Variants in CDH13 observed in about 807,000 individuals in gnomAD.
The protein encoded by CDH13 is cadherin-13.
Under a neutral mutation model 63.8 loss-of-function variants are expected in CDH13, and 24 were observed. The observed-to-expected ratio is 0.38, with a 90% CI of 0.27 to 0.53. The LOEUF (loss-of-function observed/expected upper bound fraction) is 0.53, where lower values mean the gene tolerates loss of function less well. Ranked by LOEUF, CDH13 falls within the 20% of genes least tolerant of loss-of-function variation. The probability of loss-of-function intolerance (pLI) is 0.85; values close to 1 mark genes in which losing one functional copy is unlikely to be tolerated. For synonymous variants in CDH13, 503 were observed against 355.3 expected (o/e 1.42, Z -4.67); for missense variants, 1,049 against 903.1 (o/e 1.16, Z -2.07).
intron 1 of CDH13, chr16:82,727,830 A>T (rs2033184517): frequency 6.6e-6 from 1 of 152,214 alleles, no homozygotes; most frequent in Non-Finnish European, 1.5e-5. Context: ...AATGGTGAGC[A>T]GACCCACTCC....
chr16:83,748,378 G>A lies in CDH13; in HGVS notation c.1681+128G>A, dbSNP rs766527464. On this transcript the variant is annotated intron_variant, in intron 11 of 13. Transcript: ENST00000567109. The stretch of plus-strand genomic sequence containing the variant: ...AATGTAAGTGTGTGGGAACAGCAAA[G>A]TAAATGTTTAAATATACACATGTTG... 80 of 799,686 alleles carry A rather than the reference G, an allele frequency of 1.0e-4. 1 individual carries two copies. Among genetic ancestry groups the A allele is most frequent in the Non-Finnish European group, 1.5e-4 (76 of 509,610 alleles). The allele number at this position is 799,686 out of a possible 1,614,324, so 49.5% of individuals were successfully genotyped here. A position where few individuals can be genotyped will look rare whatever the true frequency, so the allele number is the denominator to read the frequency against.
intron 6 of CDH13, among the ~76,000 whole-genome samples, chr16:83,355,748 G>T (rs910417369): frequency 9.2e-5 from 14 of 152,182 alleles, no homozygotes; most frequent in Non-Finnish European, 1.9e-4. Flanking sequence ...GAGGAAGTCA[G>T]TAAATAAAGC....
chr16:83,773,974 C>T (rs8054975), intron 11 of CDH13, among the ~76,000 whole-genome samples: 11,431 of 152,144 alleles, frequency 0.075, 482 homozygotes, highest in Middle Eastern at 0.14. Context: ...AGCTGGAAGA[C>T]GAGGCCTCAG....
chr16:82,866,042 C>T (rs1290662331), intron 2 of CDH13, among the ~76,000 whole-genome samples: 1 of 152,186 alleles, frequency 6.6e-6, no homozygotes, highest in Non-Finnish European at 1.5e-5. Context: ...AGGGCAGGGG[C>T]AAAATGCCGC....
intron 8 of CDH13, among the ~76,000 whole-genome samples, chr16:83,605,306 A>G (rs1445295175): frequency 2.0e-5 from 3 of 152,188 alleles, no homozygotes; most frequent in Non-Finnish European, 4.4e-5. Flanking sequence ...GTCTTTGCCC[A>G]ATGTTTGATA....
chr16:82,838,086 A>T (rs1247198633), intron 1 of CDH13, among the ~76,000 whole-genome samples: 1 of 152,102 alleles, frequency 6.6e-6, no homozygotes, highest in African/African-American at 2.4e-5. Context: ...CCTGGCCCCA[A>T]AGCCTTACCT....
At chr16:82,818,163 G>C (rs1422275734) in intron 1 of CDH13, among the ~76,000 whole-genome samples, 2 of 150,726 alleles carry the variant, frequency 1.3e-5, no homozygotes, top group Non-Finnish European at 2.9e-5. Context: ...ATTACTCCAG[G>C]AGATTTACAT....
intron 2 of CDH13, among the ~76,000 whole-genome samples, chr16:82,922,842 G>A (rs2042197596): frequency 6.6e-6 from 1 of 152,128 alleles, no homozygotes; most frequent in African/African-American, 2.4e-5. Flanking sequence ...TTGAGCTTCT[G>A]ATTCCTTAAA....
At chr16:82,800,538 A>G (rs1167901583) in intron 1 of CDH13, among the ~76,000 whole-genome samples, 1 of 152,208 alleles carries the variant, frequency 6.6e-6, no homozygotes, top group South Asian at 2.1e-4. Flanking sequence ...CACATTTCAC[A>G]GAAGTGTCAT....
chr16:82,891,247 T>C (rs553448785), intron 2 of CDH13, among the ~76,000 whole-genome samples: 12 of 152,256 alleles, frequency 7.9e-5, no homozygotes, highest in African/African-American at 2.6e-4. Flanking sequence ...TATCTCTCCC[T>C]TGGGGACTCT....
chr16:83,188,212 C>T (rs570818412), intron 4 of CDH13, among the ~76,000 whole-genome samples: 17 of 152,124 alleles, frequency 1.1e-4, no homozygotes, highest in African/African-American at 3.6e-4. Context: ...CTCTGGCTGA[C>T]GGATGGAGAA....
intron 4 of CDH13, among the ~76,000 whole-genome samples, chr16:83,183,025 G>T (rs1354779909): frequency 6.6e-6 from 1 of 151,996 alleles, no homozygotes; most frequent in Non-Finnish European, 1.5e-5. Context: ...ACTGTGACCT[G>T]CATTGTCCAC....
intron 10 of CDH13, among the ~76,000 whole-genome samples, chr16:83,706,204 G>C (rs561634113): frequency 5.9e-5 from 9 of 152,278 alleles, no homozygotes; most frequent in Non-Finnish European, 1.3e-4. Flanking sequence ...GCCTCTCCAC[G>C]AGGCCTGGGC....
At chr16:83,515,895 A>G (rs1331957696) in intron 7 of CDH13, among the ~76,000 whole-genome samples, 1 of 152,182 alleles carries the variant, frequency 6.6e-6, no homozygotes, top group Non-Finnish European at 1.5e-5. Context: ...TTTATATAGG[A>G]ATTAAACAGA....
At chr16:82,640,922 C>T (rs972894633) in intron 1 of CDH13, among the ~76,000 whole-genome samples, 10 of 152,168 alleles carry the variant, frequency 6.6e-5, no homozygotes, top group Non-Finnish European at 1.2e-4. Flanking sequence ...GGGTTAAACA[C>T]GCTCTTGGAT....
In CDH13 at chr16:83,521,233, G is replaced by A. The variant is rs8057234; in HGVS notation, c.960+34578G>A. The stretch of plus-strand genomic sequence containing the variant: ...TCAGTAATTATTTTTCATCCTCTTA[G>A]GTTTCTTCCAGCTTTAAGGCTTTAT... On this transcript the variant is annotated intron_variant, in intron 7 of 13. Transcript: ENST00000567109. 3.4e-3 allele frequency among the ~76,000 whole-genome samples: 523 copies of A among 152,056 alleles called. 1 individual carries two copies. Among genetic ancestry groups the A allele is most frequent in the African/African-American group, 0.012 (501 of 41,446 alleles).
chr16:83,527,994 A>G (rs905367626), intron 7 of CDH13, among the ~76,000 whole-genome samples: 4 of 152,180 alleles, frequency 2.6e-5, no homozygotes, highest in Admixed American at 2.6e-4. Flanking sequence ...AAGGGCACGC[A>G]GGGAGTTTAT....
At chr16:83,470,484 C>G (rs1459161432) in intron 6 of CDH13, among the ~76,000 whole-genome samples, 1 of 152,176 alleles carries the variant, frequency 6.6e-6, no homozygotes, top group African/African-American at 2.4e-5. Context: ...TTAGCTTTGT[C>G]CTTTCTGAAA....
chr16:83,144,353 G>C (rs1400199004), intron 4 of CDH13, among the ~76,000 whole-genome samples: 1 of 152,206 alleles, frequency 6.6e-6, no homozygotes, highest in Non-Finnish European at 1.5e-5. Context: ...TATAAAGGAT[G>C]CTAACTTGAA....
Sources: gnomAD v4.1 joint callset for allele counts (sites outside exome capture counted in the v4.1 genomes callset) on GRCh38, gnomAD v4.1.1 for gene constraint, MANE v1.5 for transcripts, NCBI Gene and HGNC (gene_info 2026-07-23, HGNC 2026-07-21) for gene names.